Variants in MCTP1 observed in about 807,000 individuals in gnomAD.
The protein encoded by MCTP1 is multiple C2 and transmembrane domain containing 1, also known as multiple C2 and transmembrane domain-containing protein 1.
MCTP1 carries 69 observed loss-of-function variants against 120.6 expected under a neutral mutation model. The ratio of observed to expected loss-of-function variants is 0.57; its 90% CI spans 0.47 to 0.70. MCTP1 has a LOEUF of 0.70. MCTP1 is among the 30% of genes least tolerant of loss of function. The pLI is 0.00. For missense variants in MCTP1, 1,203 were observed against 1,248.8 expected, an observed-to-expected ratio of 0.96 and a Z score of 0.55; for synonymous variants, 529 against 493.1, an observed-to-expected ratio of 1.07 and a Z score of -0.96.
At chr5:94,756,622 C>T (rs544934909) in intron 19 of MCTP1, among the ~76,000 whole-genome samples, 10 of 152,078 alleles carry the variant, frequency 6.6e-5, no homozygotes, top group Non-Finnish European at 1.2e-4. Context: ...CGGTTAATTA[C>T]GGGAGGTATA....
intron 19 of MCTP1, among the ~76,000 whole-genome samples, chr5:94,759,270 G>A (rs959933407): frequency 6.6e-6 from 1 of 152,134 alleles, no homozygotes; most frequent in African/African-American, 2.4e-5. Flanking sequence ...TGGATACCAG[G>A]TGTGTAAACA....
At chr5:94,808,956 T>C (rs1233180628) in intron 17 of MCTP1, among the ~76,000 whole-genome samples, 1 of 152,152 alleles carries the variant, frequency 6.6e-6, no homozygotes, top group Non-Finnish European at 1.5e-5. Context: ...GAAGTTGCTA[T>C]CTGAAACCTA....
chr5:95,220,549 C>T (rs922471476), intron 1 of MCTP1, among the ~76,000 whole-genome samples: 7 of 152,132 alleles, frequency 4.6e-5, no homozygotes, highest in Non-Finnish European at 1.0e-4. Flanking sequence ...GATGTTGAGG[C>T]CAAGAGGGAA....
At chr5:95,092,582 C>T (rs921181973) in intron 1 of MCTP1, among the ~76,000 whole-genome samples, 1 of 151,932 alleles carries the variant, frequency 6.6e-6, no homozygotes, top group Non-Finnish European at 1.5e-5. Context: ...ATGTTAATTG[C>T]CCTGATTTGA....
intron 6 of MCTP1, among the ~76,000 whole-genome samples, chr5:94,926,286 T>C (rs113699928): frequency 4.1e-3 from 623 of 152,312 alleles, no homozygotes; most frequent in African/African-American, 0.014. Flanking sequence ...TATTCAAATC[T>C]AAGAGTCAAG....
intron 1 of MCTP1, among the ~76,000 whole-genome samples, chr5:95,236,665 T>C (rs1755577384): frequency 6.6e-6 from 1 of 152,212 alleles, no homozygotes; most frequent in Admixed American, 6.5e-5. Context: ...TGGGTGATAA[T>C]GGGAACATCC....
chr5:95,271,199 G>C (rs1256006772), intron 1 of MCTP1, among the ~76,000 whole-genome samples: 1 of 152,152 alleles, frequency 6.6e-6, no homozygotes, highest in Non-Finnish European at 1.5e-5. Flanking sequence ...ATATAATTAA[G>C]AGGATGAAGA....
chr5:94,983,469 A>G (rs1829855823), intron 2 of MCTP1, among the ~76,000 whole-genome samples: 1 of 152,172 alleles, frequency 6.6e-6, no homozygotes, highest in South Asian at 2.1e-4. Flanking sequence ...GTATCAGTGT[A>G]TTGGCTAGAG....
At chr5:95,067,358 C>T (rs1750936293) in intron 1 of MCTP1, among the ~76,000 whole-genome samples, 1 of 152,142 alleles carries the variant, frequency 6.6e-6, no homozygotes, top group East Asian at 1.9e-4. Context: ...TTGATCATTA[C>T]ACAATGCATA....
intron 1 of MCTP1, among the ~76,000 whole-genome samples, chr5:95,253,673 G>A (rs1254750220): frequency 1.3e-5 from 2 of 152,070 alleles, no homozygotes; most frequent in African/African-American, 4.8e-5. Context: ...AGGTACATAT[G>A]TAAGTAAGAA....
At chr5:95,074,069 T>C (rs1199287117) in intron 1 of MCTP1, among the ~76,000 whole-genome samples, 2 of 152,252 alleles carry the variant, frequency 1.3e-5, no homozygotes, top group Middle Eastern at 3.4e-3. Flanking sequence ...TGAGCAGAGA[T>C]GGTGCCACTG....
chr5:94,802,306 A>G (rs1205542793), intron 17 of MCTP1, among the ~76,000 whole-genome samples: 3 of 152,212 alleles, frequency 2.0e-5, no homozygotes, highest in Non-Finnish European at 4.4e-5. Context: ...ACATGAACAC[A>G]GATTAACAAT....
chr5:95,212,214 T>C (rs1271947139), intron 1 of MCTP1, among the ~76,000 whole-genome samples: 4 of 152,054 alleles, frequency 2.6e-5, no homozygotes, highest in African/African-American at 7.2e-5. Flanking sequence ...AAACACAAAC[T>C]ACCATCAGCG....
intron 1 of MCTP1, among the ~76,000 whole-genome samples, chr5:95,230,996 T>A (rs1754875386): frequency 6.6e-6 from 1 of 152,024 alleles, no homozygotes; most frequent in Non-Finnish European, 1.5e-5. Flanking sequence ...CAAATAGAGG[T>A]AGAGGATGGA....
At chr5:95,037,047 A>G (rs988391) in intron 1 of MCTP1, among the ~76,000 whole-genome samples, 141,329 of 152,066 alleles carry the variant, frequency 0.93, 66,538 homozygotes, top group East Asian at 1. Context: ...TGCATGTGAC[A>G]TTTAAATGCC....
chr5:94,878,883 A>G (rs1799468836), intron 12 of MCTP1, among the ~76,000 whole-genome samples: 1 of 152,036 alleles, frequency 6.6e-6, no homozygotes, highest in Non-Finnish European at 1.5e-5. Flanking sequence ...TGGAGAGGGT[A>G]GAGGAGGGGC....
chr5:95,163,820 TTC>T (rs1488128560), intron 1 of MCTP1, among the ~76,000 whole-genome samples: 1 of 152,214 alleles, frequency 6.6e-6, no homozygotes, highest in African/African-American at 2.4e-5. Context: ...TGAGCCTCAG[TTC>T]TCTTTCTGTA....
At chr5:95,195,349 A>C (rs1391644802) in intron 1 of MCTP1, among the ~76,000 whole-genome samples, 1 of 152,164 alleles carries the variant, frequency 6.6e-6, no homozygotes, top group Non-Finnish European at 1.5e-5. Flanking sequence ...TGGGAAAGTA[A>C]AAGTTCACTG....
rs202201235 is a variant in MCTP1, at chr5:95,017,499, A to G, written c.721-15T>C. 40 of 1,507,072 alleles carry G rather than the reference A, an allele frequency of 2.7e-5. 1 individual carries two copies. The East Asian group carries it at 9.2e-4, about 35-fold the overall frequency. The allele number at this position is 1,507,072 out of a possible 1,614,324, so 93.4% of individuals were successfully genotyped here. ...TTTATTATTTTCTGGAAAACACGAA[A>G]TATAAAAAATATTAAATTTATTATC... On this transcript the variant is annotated splice_polypyrimidine_tract_variant and intron_variant, in intron 1 of 22. Coordinates refer to ENST00000515393, the MANE Select transcript of MCTP1 (RefSeq NM_024717.7).
Sources: allele counts gnomAD v4.1 joint callset (sites outside exome capture counted in the v4.1 genomes callset), GRCh38; gene constraint gnomAD v4.1.1; transcripts MANE v1.5; gene names NCBI Gene and HGNC (gene_info 2026-07-23, HGNC 2026-07-21).